RAPGEF5: variants seen among roughly 807,000 people sequenced by gnomAD.
RAPGEF5 encodes the protein Rap guanine nucleotide exchange factor 5.
Under a neutral mutation model 125.2 loss-of-function variants are expected in RAPGEF5, and 65 were observed. The observed-to-expected ratio is 0.52, with a 90% confidence interval of 0.43 to 0.64. The LOEUF is 0.64. RAPGEF5 is among the 30% of genes least tolerant of loss of function. The pLI is 0.00. For missense variants in RAPGEF5, 958 were observed against 1,048.1 expected, an observed-to-expected ratio of 0.91 and a Z score of 1.19; for synonymous variants, 391 against 385.9, an observed-to-expected ratio of 1.01 and a Z score of -0.16.
chr7:22,193,789 G>A lies in RAPGEF5; in HGVS notation c.1115+126C>T, dbSNP rs775405638. The A allele has an allele frequency of 4.2e-5, 67 of 1,603,484 alleles. No individual in the cohort carries two copies. In the African/African-American group the frequency reaches 7.6e-4, roughly 18 times the overall value. The stretch of plus-strand genomic sequence containing the variant: ...AGTCAGCTAGAACGCTGGAGAGGCG[G>A]AGAGAAAAGAGAGGGAGGGAGGGTA... On this transcript the variant is annotated intron_variant, in intron 10 of 25. Coordinates refer to ENST00000665637, the MANE Select transcript of RAPGEF5 (RefSeq NM_012294.5).
At chr7:22,198,422 T>C (rs992433189) in intron 9 of RAPGEF5, among the ~76,000 whole-genome samples, 3 of 152,182 alleles carry the variant, frequency 2.0e-5, no homozygotes, top group Admixed American at 6.5e-5. Flanking sequence ...GAGTTACATA[T>C]ACATCAGATC....
chr7:22,347,840 A>G (rs1391370784), intron 1 of RAPGEF5, among the ~76,000 whole-genome samples: 1 of 152,224 alleles, frequency 6.6e-6, no homozygotes, highest in Non-Finnish European at 1.5e-5. Context: ...GATAAATGTT[A>G]TATTAGGATT....
At chr7:22,244,848 G>A (rs1392631214) in intron 7 of RAPGEF5, among the ~76,000 whole-genome samples, 2 of 152,282 alleles carry the variant, frequency 1.3e-5, no homozygotes, top group East Asian at 3.9e-4. Context: ...GATACCTGAA[G>A]TAGGATTGCT....
chr7:22,267,201 G>T lies in RAPGEF5; in HGVS notation c.748-189C>A, dbSNP rs554891917. On this transcript the variant is annotated intron_variant, in intron 6 of 25. Coordinates refer to ENST00000665637, the MANE Select transcript of RAPGEF5 (RefSeq NM_012294.5). ...AAAAACCTCTGCATATAAACTTTTA[G>T]AAGAATCATATTGAATTACTTTTTT... Among the ~76,000 whole-genome samples the T allele has an allele frequency of 5.9e-5, 9 of 152,130 alleles. 1 individual carries two copies. Among genetic ancestry groups the T allele is most frequent in the South Asian group, 2.1e-4 (1 of 4,828 alleles).
intron 23 of RAPGEF5, among the ~76,000 whole-genome samples, chr7:22,131,473 G>C (rs112340590): frequency 2.6e-5 from 4 of 152,172 alleles, no homozygotes; most frequent in Non-Finnish European, 5.9e-5. Context: ...AGAAACAACA[G>C]GATTTTAGTA....
intron 7 of RAPGEF5, among the ~76,000 whole-genome samples, chr7:22,234,558 G>A (rs1231762657): frequency 2.6e-5 from 4 of 152,206 alleles, no homozygotes; most frequent in Non-Finnish European, 5.9e-5. Context: ...AGATACAAGT[G>A]CAAGATCTAA....
chr7:22,281,926 C>T (rs1325606971), intron 6 of RAPGEF5, among the ~76,000 whole-genome samples: 1 of 152,204 alleles, frequency 6.6e-6, no homozygotes, highest in Non-Finnish European at 1.5e-5. Flanking sequence ...CCACCGGATA[C>T]ACAGATTCTT....
At chr7:22,160,921 G>A (rs1403171533) in intron 13 of RAPGEF5, among the ~76,000 whole-genome samples, 5 of 152,146 alleles carry the variant, frequency 3.3e-5, no homozygotes, top group Admixed American at 1.3e-4. Flanking sequence ...AATAGGCCGG[G>A]CATGGTGGCT....
chr7:22,336,507 G>A (rs1784029521), intron 1 of RAPGEF5, among the ~76,000 whole-genome samples: 1 of 152,176 alleles, frequency 6.6e-6, no homozygotes, highest in South Asian at 2.1e-4. Flanking sequence ...GTTAGACAGT[G>A]GTAGAGGAAT....
intron 7 of RAPGEF5, among the ~76,000 whole-genome samples, chr7:22,262,458 G>T (rs1782179681): frequency 6.6e-6 from 1 of 152,166 alleles, no homozygotes; most frequent in Admixed American, 6.5e-5. Context: ...AGAGACTTTG[G>T]AGCACTTACA....
intron 7 of RAPGEF5, among the ~76,000 whole-genome samples, chr7:22,232,322 T>TC (rs1343111268): frequency 6.6e-6 from 1 of 151,744 alleles, no homozygotes; most frequent in Non-Finnish European, 1.5e-5. Context: ...TGCTTTTTTT[T>TC]TTTTTTTTTG....
At chr7:22,326,509 G>A (rs941626856) in intron 1 of RAPGEF5, among the ~76,000 whole-genome samples, 1 of 152,234 alleles carries the variant, frequency 6.6e-6, no homozygotes, top group East Asian at 1.9e-4. Context: ...TCCTGGTCTC[G>A]ATTATCAAAC....
At chr7:22,233,694 G>C (rs1583502742) in intron 7 of RAPGEF5, among the ~76,000 whole-genome samples, 1 of 151,984 alleles carries the variant, frequency 6.6e-6, no homozygotes, top group East Asian at 1.9e-4. Flanking sequence ...CACCTCACCT[G>C]GCCTCACACT....
In RAPGEF5 at chr7:22,120,804, G is replaced by A. The variant is rs905786859; in HGVS notation, c.*1602C>T. The A allele has an allele frequency of 1.3e-5, 2 of 152,276 alleles. No individual in the cohort carries two copies. The highest frequency in any genetic ancestry group is 4.8e-5 in the African/African-American group (2 of 41,430). The allele number at this position is 152,276 out of a possible 1,614,324, so 9.4% of individuals were successfully genotyped here. On this transcript the variant is annotated 3_prime_UTR_variant, in exon 26 of 26. Transcript: ENST00000665637. The surrounding 1 kb of genome is among the most constrained non-coding windows in gnomAD (Gnocchi z 4.0). ...TTCTCCCAAACCTTCTCTCCACATG[G>A]TTCCTTCCAGCAGTATCTCAAGCTC...
At chr7:22,198,833 T>G (rs1450941975) in intron 9 of RAPGEF5, among the ~76,000 whole-genome samples, 1 of 152,216 alleles carries the variant, frequency 6.6e-6, no homozygotes, top group Non-Finnish European at 1.5e-5. Context: ...AAAATTCCCA[T>G]TTTACAAATG....
chr7:22,246,358 T>C (rs945460918), intron 7 of RAPGEF5, among the ~76,000 whole-genome samples: 1 of 152,182 alleles, frequency 6.6e-6, no homozygotes, highest in African/African-American at 2.4e-5. Context: ...CAAAACAGCA[T>C]GGTACTGTTA....
intron 11 of RAPGEF5, chr7:22,191,700 T>A (rs1785002819): frequency 4.3e-6 from 2 of 469,348 alleles, no homozygotes; most frequent in Middle Eastern, 3.2e-4. Context: ...TATTTCCCAA[T>A]AGCAGGCAAA....
chr7:22,134,519 G>C (rs1375584535), intron 23 of RAPGEF5, among the ~76,000 whole-genome samples: 1 of 152,128 alleles, frequency 6.6e-6, no homozygotes, highest in South Asian at 2.1e-4. Context: ...AAATATTTTG[G>C]GGGGGAAACC....
chr7:22,335,892 G>A (rs778419235), intron 1 of RAPGEF5, among the ~76,000 whole-genome samples: 17 of 152,064 alleles, frequency 1.1e-4, no homozygotes, highest in Non-Finnish European at 2.2e-4. Flanking sequence ...AAGAATATTG[G>A]GAATCTAAGA....
Sources: gnomAD v4.1 joint callset for allele counts (sites outside exome capture counted in the v4.1 genomes callset) on GRCh38, gnomAD v4.1.1 for gene constraint, Gnocchi (gnomAD v3.1) non-coding constraint, MANE v1.5 for transcripts, NCBI Gene and HGNC (gene_info 2026-07-23, HGNC 2026-07-21) for gene names.